SHROOM4: variants seen among roughly 807,000 people sequenced by gnomAD.
SHROOM4 encodes the protein protein Shroom4.
Under a neutral mutation model 80.3 loss-of-function variants are expected in SHROOM4, and 17 were observed. The observed-to-expected ratio is 0.21, with a 90% CI of 0.14 to 0.32. The LOEUF (loss-of-function observed/expected upper bound fraction) is 0.32. Among genes scored for constraint, SHROOM4 ranks in the 10% least tolerant of loss-of-function variants. The pLI is 1.00. For missense variants in SHROOM4, 993 were observed against 1,140.3 expected (o/e 0.87, Z 1.86); for synonymous variants, 400 against 437.5 (o/e 0.91, Z 1.07).
chrX:50,595,943 G>C lies in SHROOM4; in HGVS notation c.*752C>G. On this transcript the variant is annotated 3_prime_UTR_variant, in exon 9 of 9. Coordinates refer to ENST00000376020, the MANE Select transcript of SHROOM4 (RefSeq NM_020717.5). ...TAATGGCCCATATGGTGAAGCCCTG[G>C]GGTAGGCACCTGCGGTAACCCCCAG... 1 of 329,319 alleles carries C rather than the reference G, an allele frequency of 3.0e-6. No homozygotes were observed. The highest frequency in any genetic ancestry group is 5.9e-6 in the Non-Finnish European group (1 of 169,963). The allele number at this position is 329,319 out of a possible 1,213,427, so 27.1% of individuals were successfully genotyped here. A position where few individuals can be genotyped will look rare whatever the true frequency, so the allele number is the denominator to read the frequency against.
intron 2 of SHROOM4, among the ~76,000 whole-genome samples, chrX:50,653,620 G>C (rs1169232975): frequency 9.0e-5 from 10 of 111,643 alleles, no homozygotes; most frequent in African/African-American, 2.9e-4. Flanking sequence ...GGAGTGGTGA[G>C]AGAGGCCATC....
intron 1 of SHROOM4, among the ~76,000 whole-genome samples, chrX:50,765,520 G>A (rs1432641517): frequency 4.5e-5 from 5 of 111,788 alleles, no homozygotes; most frequent in Non-Finnish European, 7.5e-5. Flanking sequence ...ACAAAGGCAG[G>A]TGATTCTAAC....
intron 1 of SHROOM4, among the ~76,000 whole-genome samples, chrX:50,708,498 GC>G (rs1186974754): frequency 8.9e-6 from 1 of 112,243 alleles, no homozygotes; most frequent in Admixed American, 9.4e-5. Context: ...TGCGCTGATT[GC>G]CACTAACTCA....
intron 1 of SHROOM4, among the ~76,000 whole-genome samples, chrX:50,735,697 C>T (rs1377038919): frequency 1.8e-5 from 2 of 111,071 alleles, no homozygotes; most frequent in African/African-American, 6.5e-5. Context: ...TATAAATGGC[C>T]AACAAACACA....
At chrX:50,781,556 G>C (rs1935625712) in intron 1 of SHROOM4, among the ~76,000 whole-genome samples, 1 of 109,719 alleles carries the variant, frequency 9.1e-6, no homozygotes, top group African/African-American at 3.3e-5. Context: ...TTTTTTTAAG[G>C]ATGGGGAGTG....
chrX:50,676,865 A>T (rs1432132567), intron 2 of SHROOM4, among the ~76,000 whole-genome samples: 1 of 111,902 alleles, frequency 8.9e-6, no homozygotes, highest in Non-Finnish European at 1.9e-5. Context: ...GTGTCTCTTA[A>T]TTCCAGCTTG....
At position 50,634,494 on chromosome X, in the gene SHROOM4, G is replaced by A; in HGVS notation, c.1579C>T (p.Pro527Ser). 8.3e-7 allele frequency: 1 copy of A among 1,211,692 alleles called. No individual in the cohort carries two copies. Among genetic ancestry groups the A allele is most frequent in the Non-Finnish European group, 1.1e-6 (1 of 895,553 alleles). Reference sequence around the variant, plus strand: ...TGAACAAGGGAGCCAGAGGCAGAGGGTTGCTGGTTGGCCAATTCACTGGCT... The same window carrying A: ...TGAACAAGGGAGCCAGAGGCAGAGGATTGCTGGTTGGCCAATTCACTGGCT... ...RAASELANQQ[P>S]SASGSLVQQA... The change falls in exon 4 of 9, where the codon CCC becomes TCC. Residue 527 changes from proline (P) to serine (S), a missense_variant. Pro to Ser is a moderately conservative substitution (Grantham distance 74). Transcript: ENST00000376020.
At chrX:50,746,160 A>T (rs1176480899) in intron 1 of SHROOM4, among the ~76,000 whole-genome samples, 1 of 111,996 alleles carries the variant, frequency 8.9e-6, no homozygotes, top group Non-Finnish European at 1.9e-5. Flanking sequence ...TGACATATGT[A>T]CCTTCTATTA....
chrX:50,730,534 G>T (rs2147539989), intron 1 of SHROOM4, among the ~76,000 whole-genome samples: 1 of 111,894 alleles, frequency 8.9e-6, no homozygotes, highest in African/African-American at 3.2e-5. Context: ...CCAGCATTTT[G>T]GGAGGCCAAG....
chrX:50,778,347 A>T (rs1602507017), intron 1 of SHROOM4, among the ~76,000 whole-genome samples: 1 of 112,325 alleles, frequency 8.9e-6, no homozygotes, highest in South Asian at 3.7e-4. Context: ...ATTGCAAGTT[A>T]TCTATTGGTA....
chrX:50,703,744 G>A (rs1468754761), intron 1 of SHROOM4, among the ~76,000 whole-genome samples: 1 of 111,794 alleles, frequency 8.9e-6, no homozygotes, highest in African/African-American at 3.3e-5. Context: ...GTTTCCTGAG[G>A]CCTCCCCAGC....
chrX:50,607,718 C>A lies in SHROOM4; in HGVS notation c.3424G>T (p.Glu1142Ter). Reference sequence around the variant, plus strand: ...TCCTCCTCCTCTTCCTCTTCCTCTTCTTCTTCTTCTTCCTCCTCCTCCTCC... The same window carrying A: ...TCCTCCTCCTCTTCCTCTTCCTCTTATTCTTCTTCTTCCTCCTCCTCCTCC... ...EEEEEEEEEE[E>*]EEEEEEEEEA... The change falls in exon 6 of 9, where the codon GAA becomes TAA. Residue 1142 changes from glutamate to a stop codon, truncating the protein, a stop_gained. Coordinates refer to ENST00000376020, the MANE Select transcript of SHROOM4 (RefSeq NM_020717.5). LOFTEE classifies it high-confidence loss of function. The A allele has an allele frequency of 8.5e-7, 1 of 1,177,728 alleles. No individual in the cohort carries two copies. Among genetic ancestry groups the A allele is most frequent in the Non-Finnish European group, 1.1e-6 (1 of 875,251 alleles).
chrX:50,689,230 G>T (rs1557262495), intron 2 of SHROOM4, among the ~76,000 whole-genome samples: 1 of 111,310 alleles, frequency 9.0e-6, no homozygotes, highest in Non-Finnish European at 1.9e-5. Flanking sequence ...ATTAAAAAAT[G>T]GAAGTGAAAG....
chrX:50,695,229 C>G (rs1438906437), intron 2 of SHROOM4, among the ~76,000 whole-genome samples: 1 of 112,229 alleles, frequency 8.9e-6, no homozygotes, highest in African/African-American at 3.2e-5. Context: ...CTGCAGTGAT[C>G]TCTTTCTCTA....
At chrX:50,601,413 CCT>C (rs1319369745) in intron 7 of SHROOM4, among the ~76,000 whole-genome samples, 1 of 112,014 alleles carries the variant, frequency 8.9e-6, no homozygotes, top group Non-Finnish European at 1.9e-5. Flanking sequence ...CAATTCTTCC[CCT>C]GACATTTTGC....
In SHROOM4 at chrX:50,588,304, AACCT is replaced by A. The variant is rs1928799872; in HGVS notation, c.*8387_*8390del. On this transcript the variant is annotated 3_prime_UTR_variant, in exon 9 of 9. Transcript: ENST00000376020. ...AGGAAAGGAACCATCATCTACGGAG[AACCT>A]ACCATATGAACAGCTCTACCAGAGA... Among the ~76,000 whole-genome samples, 2 of 111,650 alleles carry A rather than the reference AACCT, an allele frequency of 1.8e-5. No individual in the cohort carries two copies. The highest frequency in any genetic ancestry group is 6.5e-5 in the African/African-American group (2 of 30,666).
At chrX:50,614,460 G>A (rs1325670623) in intron 5 of SHROOM4, among the ~76,000 whole-genome samples, 2 of 112,051 alleles carry the variant, frequency 1.8e-5, no homozygotes, top group African/African-American at 6.5e-5. Context: ...GGGAGAAAAA[G>A]GTATAGTTCA....
intron 1 of SHROOM4, among the ~76,000 whole-genome samples, chrX:50,739,493 C>T (rs1211573077): frequency 3.7e-5 from 4 of 109,157 alleles, no homozygotes. Context: ...AAGAAAAAAG[C>T]AAACAACCCC....
rs193142364 is a variant in SHROOM4, at chrX:50,590,829, A to G, written c.*5866T>C. On this transcript the variant is annotated 3_prime_UTR_variant, in exon 9 of 9. Coordinates refer to ENST00000376020, the MANE Select transcript of SHROOM4 (RefSeq NM_020717.5). ...TGGTTATTTTTATCATTGAGTTGTA[A>G]GAGTCCTTTTCATATTTTGAAGTAT... 9.9e-4 allele frequency among the ~76,000 whole-genome samples: 111 copies of G among 112,313 alleles called. 6 individuals carry two copies. The highest frequency in any genetic ancestry group is 1.9e-4 in the Non-Finnish European group (10 of 53,270).
Sources: allele counts gnomAD v4.1 joint callset (sites outside exome capture counted in the v4.1 genomes callset), GRCh38; gene constraint gnomAD v4.1.1; transcripts MANE v1.5; gene names NCBI Gene and HGNC (gene_info 2026-07-23, HGNC 2026-07-21).